The following POMGNT1 variants were observed in gnomAD, a reference collection of about 807,000 sequenced individuals.
The protein encoded by POMGNT1 is protein O-linked mannose N-acetylglucosaminyltransferase 1 (beta 1,2-).
POMGNT1 carries 67 observed loss-of-function variants against 95.6 expected under a neutral mutation model. The observed-to-expected ratio is 0.70, with a 90% CI of 0.58 to 0.86. POMGNT1 has a LOEUF of 0.86. POMGNT1 is among the 40% of genes least tolerant of loss of function. The pLI is 0.00. For synonymous variants in POMGNT1, 298 were observed against 317.9 expected (o/e 0.94, Z 0.66); for missense variants, 719 against 855.2 (o/e 0.84, Z 1.99).
In POMGNT1 at chr1:46,188,994, G is replaced by T. The variant is rs1390431410; in HGVS notation, c.*276C>A. On this transcript the variant is annotated 3_prime_UTR_variant, in exon 22 of 22. Transcript: ENST00000371984. ...TCTGAGCCAGGCCTGGAAAGTGAGGGTATTCAAAGGGCAGGATGAGCTGCT... is the reference window on the plus strand; with the variant it reads ...TCTGAGCCAGGCCTGGAAAGTGAGGTTATTCAAAGGGCAGGATGAGCTGCT... The T allele has an allele frequency of 6.2e-7, 1 of 1,602,794 alleles. No homozygotes were observed. The highest frequency in any genetic ancestry group is 8.5e-7 in the Non-Finnish European group (1 of 1,173,816).
upstream of POMGNT1, among the ~76,000 whole-genome samples, chr1:46,199,330 C>T (rs1019289818): frequency 5.3e-5 from 8 of 152,240 alleles, no homozygotes; most frequent in Non-Finnish European, 1.2e-4. Flanking sequence ...CTCAGCCTAG[C>T]TCCAGATTCT....
At chr1:46,202,920 G>GTGGTGTGTGTGTGTGTGTGTGTGTGT (rs540959987), upstream of POMGNT1, among the ~76,000 whole-genome samples, 16 of 64,516 alleles carry the variant, frequency 2.5e-4, no homozygotes, top group African/African-American at 1.0e-3. Context: ...GGGGGGGGGT[G>GTGGTGTGTGTGTGTGTGTGTGTGTGT]GTGTGTGTGT....
At chr1:46,205,143 A>G (rs981663779) in intron 1 of POMGNT1, among the ~76,000 whole-genome samples, 1 of 152,172 alleles carries the variant, frequency 6.6e-6, no homozygotes. Flanking sequence ...CTGTAGTCCT[A>G]GCTACTCTGG....
chr1:46,195,169 A>G (rs1401356036), intron 6 of POMGNT1, among the ~76,000 whole-genome samples: 2 of 152,126 alleles, frequency 1.3e-5, no homozygotes, highest in African/African-American at 2.4e-5. Flanking sequence ...CCTTTCCACA[A>G]ACCCACACGA....
exon 1 of POMGNT1, chr1:46,219,862 G>A (rs745415972): frequency 1.3e-5 from 21 of 1,613,712 alleles, no homozygotes; most frequent in Middle Eastern, 1.6e-4. Flanking sequence ...AGCCCAGGCC[G>A]CTCAAGGCGA....
rs1188660252 is a variant in POMGNT1, at chr1:46,194,882, C to T, written c.614G>A (p.Gly205Asp). 10 of 1,614,070 alleles carry T rather than the reference C, an allele frequency of 6.2e-6. No individual in the cohort carries two copies. Among genetic ancestry groups the T allele is most frequent in the Non-Finnish European group, 8.5e-6 (10 of 1,180,058 alleles). ...SLGSQAGPAL[G>D]WRDTWAFVGR... The stretch of plus-strand genomic sequence containing the variant: ...CACGAAGGCCCATGTGTCCCTCCAG[C>T]CCAGGGCAGGGCCAGCCTGGCTGCC... The change falls in exon 7 of 22, where the codon GGC becomes GAC. Residue 205 changes from glycine to aspartate, a missense_variant. This residue lies in a region of POMGNT1 where 466 missense variants were observed against 517.4 expected (regional missense o/e 0.90). Coordinates refer to ENST00000371984, the MANE Select transcript of POMGNT1 (RefSeq NM_017739.4).
intron 1 of POMGNT1, among the ~76,000 whole-genome samples, chr1:46,219,295 C>CAA (rs747473864): frequency 2.0e-5 from 2 of 97,590 alleles, no homozygotes; most frequent in Non-Finnish European, 2.2e-5. Context: ...AACTCCATTT[C>CAA]AAAAAAAAAA....
chr1:46,191,056 T>C (rs1657730951), intron 17 of POMGNT1: 3 of 425,534 alleles, frequency 7.0e-6, no homozygotes, highest in Non-Finnish European at 1.3e-5. Flanking sequence ...TCCCTGCCTC[T>C]TGTAGTTCTC....
In POMGNT1 at chr1:46,219,624, A is replaced by G. The variant is rs1160288929; in HGVS notation, c.-51+81T>C. ...GTGAAACATGGTTGGCTGAACCACA[A>G]GGTAGTGGCCTGTGGAAACGCTGGG... On this transcript the variant is annotated intron_variant, in intron 1 of 22. Coordinates refer to the POMGNT1 transcript ENST00000371992. 1.9e-5 allele frequency: 27 copies of G among 1,446,742 alleles called. No homozygotes were observed. The Admixed American group carries it at 4.3e-4, about 23-fold the overall frequency. 89.6% of individuals were successfully genotyped at this position (1,446,742 alleles called of 1,614,324 possible). A position where few individuals can be genotyped will look rare whatever the true frequency, so the allele number is the denominator to read the frequency against.
intron 1 of POMGNT1, among the ~76,000 whole-genome samples, chr1:46,216,043 CTTTTTTTT>C (rs141982741): frequency 5.4e-4 from 50 of 92,546 alleles, no homozygotes; most frequent in African/African-American, 2.0e-3. Context: ...TTTATTTTAT[CTTTTTTTT>C]TTTTTTTTTT....
At position 46,189,641 on chromosome 1, in the gene POMGNT1, C is replaced by A. The variant is rs1571646907; in HGVS notation, c.1786-74G>T. ...GAGGGGTCACTGACGACCCTTTGGCCCAGCCCCCACCCCTCCTCAGAAACC... is the reference window on the plus strand; with the variant it reads ...GAGGGGTCACTGACGACCCTTTGGCACAGCCCCCACCCCTCCTCAGAAACC... On this transcript the variant is annotated intron_variant, in intron 20 of 21. Coordinates refer to ENST00000371984, the MANE Select transcript of POMGNT1 (RefSeq NM_017739.4). 7.0e-6 allele frequency: 11 copies of A among 1,560,690 alleles called. No homozygotes were observed. In the East Asian group the frequency reaches 2.6e-4, roughly 37 times the overall value.
At chr1:46,211,482 G>C (rs1223496002) in intron 1 of POMGNT1, among the ~76,000 whole-genome samples, 1 of 108,516 alleles carries the variant, frequency 9.2e-6, no homozygotes, top group African/African-American at 3.3e-5. Flanking sequence ...CACACACACA[G>C]TAATATCACA....
chr1:46,197,976 C>T (rs1658374800), intron 1 of POMGNT1, 105 bp from the exon 2 acceptor site: 1 of 1,142,166 alleles, frequency 8.8e-7, no homozygotes, highest in African/African-American at 1.6e-5. Flanking sequence ...CTGCAAGCAC[C>T]CATACTGTGT....
chr1:46,195,955 T>C (rs1237955135), intron 5 of POMGNT1, 31 bp from the exon 6 acceptor site: 1 of 1,614,036 alleles, frequency 6.2e-7, no homozygotes, highest in African/African-American at 1.3e-5. Context: ...GGTGAGTTGG[T>C]GTCATCAGCA....
intron 1 of POMGNT1, among the ~76,000 whole-genome samples, chr1:46,212,809 G>T (rs1487796863): frequency 1.3e-5 from 2 of 151,606 alleles, no homozygotes; most frequent in Non-Finnish European, 2.9e-5. Flanking sequence ...GCCCAGGCTG[G>T]AGTGCAGTGG....
intron 6 of POMGNT1, chr1:46,195,514 C>T (rs907565870): frequency 1.5e-5 from 7 of 452,248 alleles, no homozygotes; most frequent in African/African-American, 8.0e-5. Flanking sequence ...CTAGCATTAT[C>T]CACATTTACT....
At chr1:46,203,640 A>G (rs1368042186) in intron 1 of POMGNT1, 1 of 1,598,238 alleles carries the variant, frequency 6.3e-7, no homozygotes, top group Non-Finnish European at 8.5e-7. Flanking sequence ...TGCTGAATCC[A>G]TGGGCCAAGG....
In POMGNT1 at chr1:46,209,532, GTTTTCTTTTTTT is replaced by G. The variant is rs1309689606; in HGVS notation, c.-51+10161_-51+10172del. ...GACTGGAGATGTAAGTTCTGTTGTT[GTTTTCTTTTTTT>G]TTTTCTTTTTTTTTTTTTGAGATGG... On this transcript the variant is annotated intron_variant, in intron 1 of 22. Transcript: ENST00000371992. 6.6e-5 allele frequency among the ~76,000 whole-genome samples: 9 copies of G among 137,368 alleles called. No homozygotes were observed. In the South Asian group the frequency reaches 6.9e-4, roughly 10 times the overall value. 90.1% of individuals were successfully genotyped at this position (137,368 alleles called of 152,430 possible).
At chr1:46,211,055 C>T (rs1201769743) in intron 1 of POMGNT1, among the ~76,000 whole-genome samples, 1 of 151,684 alleles carries the variant, frequency 6.6e-6, no homozygotes, top group East Asian at 1.9e-4. Flanking sequence ...GTTGGGATTA[C>T]AGGCTTAAGC....
Sources: allele counts gnomAD v4.1 joint callset (sites outside exome capture counted in the v4.1 genomes callset), GRCh38; gene constraint gnomAD v4.1.1; regional missense constraint gnomAD v4.1.1; transcripts MANE v1.5; gene names NCBI Gene and HGNC (gene_info 2026-07-23, HGNC 2026-07-21).